The following RAB38 variants were observed in gnomAD, a reference collection of about 807,000 sequenced individuals.
RAB38 encodes the protein ras-related protein Rab-38.
In RAB38, 15 loss-of-function variants were observed where a neutral mutation model predicts 18.4. That is an observed-to-expected ratio of 0.82 (90% CI 0.55 to 1.26). The LOEUF is 1.26. Among genes scored for constraint, RAB38 ranks in the 50% most tolerant of loss-of-function variants. RAB38 has a pLI of 0.00. For synonymous variants in RAB38, 101 were observed against 104.4 expected (o/e 0.97, Z 0.20); for missense variants, 294 against 267.4 (o/e 1.10, Z -0.69).
chr11:87,882,510 G>A, the RAB38 span, among the ~76,000 whole-genome samples: 1 of 151,862 alleles, frequency 6.6e-6, no homozygotes, highest in Non-Finnish European at 1.5e-5. Flanking sequence ...AGTAGGTAAT[G>A]TAATATTCAA....
chr11:88,123,618 T>C (rs991623936), intron 2 of RAB38, among the ~76,000 whole-genome samples: 12 of 152,328 alleles, frequency 7.9e-5, no homozygotes, highest in Admixed American at 3.3e-4. Flanking sequence ...AGACATAGGT[T>C]GAAGTCCTAA....
At position 88,138,949 on chromosome 11, in the gene RAB38, AT is replaced by A. The variant is rs895854557; in HGVS notation, c.483+10725del. Among the ~76,000 whole-genome samples the A allele has an allele frequency of 1.5e-3, 229 of 151,210 alleles. 2 individuals carry two copies. The highest frequency in any genetic ancestry group is 5.3e-3 in the African/African-American group (219 of 41,220). The stretch of plus-strand genomic sequence containing the variant: ...AGGCGCCCGCCACCACGCCTGGCTA[AT>A]TTTTTTTGTATTTTTAGTAGCGACG... On this transcript the variant is annotated intron_variant, in intron 2 of 2. Transcript: ENST00000243662.
the RAB38 span, among the ~76,000 whole-genome samples, chr11:88,088,240 T>C: frequency 6.6e-6 from 1 of 152,014 alleles, no homozygotes; most frequent in Non-Finnish European, 1.5e-5. Context: ...TGCTACTATG[T>C]CCACCCACAG....
the RAB38 span, among the ~76,000 whole-genome samples, chr11:87,894,083 G>T: frequency 4.0e-5 from 6 of 151,506 alleles, no homozygotes; most frequent in Non-Finnish European, 1.5e-5. Flanking sequence ...TATCTTATTT[G>T]ATTTCTTTCA....
chr11:87,829,783 G>T, the RAB38 span, among the ~76,000 whole-genome samples: 1 of 152,202 alleles, frequency 6.6e-6, no homozygotes, highest in Non-Finnish European at 1.5e-5. Flanking sequence ...ACTCTCAGCA[G>T]TGTGGATAGT....
At chr11:87,847,208 A>T in the RAB38 span, among the ~76,000 whole-genome samples, 3 of 152,090 alleles carry the variant, frequency 2.0e-5, no homozygotes, top group African/African-American at 7.2e-5. Context: ...GAAAGTAAGT[A>T]AAAATCTGTT....
intron 1 of RAB38, among the ~76,000 whole-genome samples, chr11:88,157,075 T>C (rs891096132): frequency 6.6e-6 from 1 of 152,182 alleles, no homozygotes; most frequent in Admixed American, 6.5e-5. Context: ...ACAAAACCCA[T>C]CCGTATGCTA....
At chr11:88,141,704 TC>T (rs1003998864) in intron 2 of RAB38, among the ~76,000 whole-genome samples, 2 of 152,164 alleles carry the variant, frequency 1.3e-5, no homozygotes, top group Non-Finnish European at 2.9e-5. Context: ...GCTCTCTGTT[TC>T]CCCTCCACCT....
intron 1 of RAB38, among the ~76,000 whole-genome samples, chr11:88,174,528 C>T (rs1026170349): frequency 6.8e-6 from 1 of 146,246 alleles, no homozygotes; most frequent in African/African-American, 2.5e-5. Flanking sequence ...GACAGAGAGC[C>T]AGAGAGATAG....
chr11:87,947,428 A>C, the RAB38 span, among the ~76,000 whole-genome samples: 9 of 152,110 alleles, frequency 5.9e-5, no homozygotes, highest in African/African-American at 1.9e-4. Flanking sequence ...TTTGGTTGCC[A>C]TTGCTTTTGG....
the RAB38 span, among the ~76,000 whole-genome samples, chr11:87,830,764 A>G: frequency 6.6e-6 from 1 of 152,040 alleles, no homozygotes; most frequent in African/African-American, 2.4e-5. Flanking sequence ...TAGATAAGGA[A>G]ATTAAATTTT....
chr11:88,053,371 AAT>A, the RAB38 span, among the ~76,000 whole-genome samples: 61 of 47,504 alleles, frequency 1.3e-3, 6 homozygotes, highest in African/African-American at 2.9e-3. Context: ...ATATATATGG[AAT>A]ATATATATAT....
chr11:88,159,497 A>G (rs191556054), intron 1 of RAB38, among the ~76,000 whole-genome samples: 105 of 152,054 alleles, frequency 6.9e-4, no homozygotes, highest in African/African-American at 2.5e-3. Flanking sequence ...TAAAATTCTT[A>G]TGGAATTAAA....
the RAB38 span, among the ~76,000 whole-genome samples, chr11:87,804,106 TG>T: frequency 5.3e-5 from 8 of 152,244 alleles, no homozygotes; most frequent in African/African-American, 1.9e-4. Context: ...CTCTTCCTTT[TG>T]GTAAATAGCA....
the RAB38 span, among the ~76,000 whole-genome samples, chr11:87,848,056 A>AT: frequency 6.6e-6 from 1 of 152,108 alleles, no homozygotes; most frequent in African/African-American, 2.4e-5. Context: ...TTATTTCTAC[A>AT]TTTTTTAAAA....
chr11:87,916,771 G>T, the RAB38 span, among the ~76,000 whole-genome samples: 1 of 151,944 alleles, frequency 6.6e-6, no homozygotes, highest in African/African-American at 2.4e-5. Context: ...GTTGAATTTT[G>T]CTTATTTTGT....
rs763226766 is a variant in RAB38 at position 88,175,439 on chromosome 11, T to C, written c.-55A>G. On this transcript the variant is annotated 5_prime_UTR_variant, in exon 1 of 3. Coordinates refer to ENST00000243662, the MANE Select transcript of RAB38 (RefSeq NM_022337.3). Reference sequence around the variant, plus strand: ...GACCAGGGAAGCGCAGCCTGGGCTCTGCGCACGAGAGAGACTTGGGGAGCG... The same window carrying C: ...GACCAGGGAAGCGCAGCCTGGGCTCCGCGCACGAGAGAGACTTGGGGAGCG... The C allele has an allele frequency of 7.2e-7, 1 of 1,384,894 alleles. No homozygotes were observed. The highest frequency in any genetic ancestry group is 9.7e-7 in the Non-Finnish European group (1 of 1,032,016). The allele number at this position is 1,384,894 out of a possible 1,614,324, so 85.8% of individuals were successfully genotyped here.
At chr11:88,074,721 A>T in the RAB38 span, among the ~76,000 whole-genome samples, 1 of 152,194 alleles carries the variant, frequency 6.6e-6, no homozygotes, top group Non-Finnish European at 1.5e-5. Flanking sequence ...ATACCAGTGA[A>T]TCTAAATTGA....
At chr11:87,952,996 CATTAAA>C in the RAB38 span, among the ~76,000 whole-genome samples, 48 of 152,024 alleles carry the variant, frequency 3.2e-4, no homozygotes, top group Admixed American at 2.2e-3. Context: ...ACATTTAAAA[CATTAAA>C]ATTAAAATTT....
Sources: gnomAD v4.1 joint callset for allele counts (sites outside exome capture counted in the v4.1 genomes callset) on GRCh38, gnomAD v4.1.1 for gene constraint, MANE v1.5 for transcripts, NCBI Gene and HGNC (gene_info 2026-07-23, HGNC 2026-07-21) for gene names.